GART: variants seen among roughly 807,000 people sequenced by gnomAD.
The protein encoded by GART is phosphoribosylglycinamide formyltransferase, phosphoribosylglycinamide synthetase, phosphoribosylaminoimidazole synthetase, also known as trifunctional purine biosynthetic protein adenosine-3.
GART carries 43 observed loss-of-function variants against 107.2 expected under a neutral mutation model. The observed-to-expected ratio is 0.40, with a 90% CI of 0.31 to 0.52. The LOEUF (loss-of-function observed/expected upper bound fraction) is 0.52. GART is among the 20% of genes least tolerant of loss of function. GART has a pLI of 0.52. For synonymous variants in GART, 434 were observed against 427.0 expected (o/e 1.02, Z -0.20); for missense variants, 1,107 against 1,206.5 (o/e 0.92, Z 1.22).
At chr21:33,522,046 G>T (rs1399662997) in intron 12 of GART, 142 bp downstream of exon 12, 5 of 576,140 alleles carry the variant, frequency 8.7e-6, no homozygotes, top group Non-Finnish European at 1.5e-5. Flanking sequence ...AAAGAAAGCA[G>T]AAGACTGGGT....
chr21:33,504,761 CAT>C (rs2084650673), intron 20 of GART, among the ~76,000 whole-genome samples: 1 of 152,148 alleles, frequency 6.6e-6, no homozygotes, highest in African/African-American at 2.4e-5. Flanking sequence ...TCTGAACAGA[CAT>C]TCATGGTGAC....
intron 11 of GART, 181 bp downstream of exon 11, chr21:33,524,588 T>A: frequency 2.5e-6 from 3 of 1,187,324 alleles, no homozygotes; most frequent in Non-Finnish European, 3.1e-6. Flanking sequence ...TATCATGAAG[T>A]TTTTTCCATT....
At chr21:33,529,433 T>C (rs980404675) in intron 7 of GART, 13 of 151,100 alleles carry the variant, frequency 8.6e-5, no homozygotes, top group Admixed American at 6.6e-4. Context: ...TTAAAAAAAA[T>C]GAAGTTTATG....
intron 11 of GART, chr21:33,524,188 C>T: frequency 2.0e-6 from 2 of 985,272 alleles, no homozygotes; most frequent in African/African-American, 3.5e-5. Flanking sequence ...GTATTCTCAT[C>T]TTCAGTTCTT....
intron 11 of GART, among the ~76,000 whole-genome samples, chr21:33,523,709 G>A (rs2085014400): frequency 6.6e-6 from 1 of 152,156 alleles, no homozygotes; most frequent in Admixed American, 6.6e-5. Context: ...GCTCACGCCT[G>A]TAATCCCAGT....
intron 18 of GART, 129 bp downstream of exon 18, chr21:33,509,654 A>T: frequency 1.1e-6 from 1 of 897,834 alleles, no homozygotes; most frequent in Non-Finnish European, 1.6e-6. Flanking sequence ...CTGAAAAGAC[A>T]AAGACAACCC....
Position 33,519,090 on chromosome 21 carries a change from G to A in GART, c.1702+1274C>T, listed in dbSNP as rs560946897. On this transcript the variant is annotated intron_variant, in intron 14 of 21. Transcript: ENST00000381815. ...CTTTCTGTTTCTTTTCCATCATTAC[G>A]CAATTGTGCCTGCAATTTGGTTGTT... The A allele has an allele frequency of 1.3e-4, 38 of 289,332 alleles. 1 individual carries two copies. The highest frequency in any genetic ancestry group is 1.3e-3 in the Middle Eastern group (1 of 772). The allele number at this position is 289,332 out of a possible 1,614,324, so 17.9% of individuals were successfully genotyped here. A position where few individuals can be genotyped will look rare whatever the true frequency, so the allele number is the denominator to read the frequency against.
chr21:33,524,722 G>A (rs758093585), intron 11 of GART, 47 bp downstream of exon 11: 36 of 1,612,354 alleles, frequency 2.2e-5, no homozygotes, highest in Non-Finnish European at 2.9e-5. Flanking sequence ...TAGCCATTTA[G>A]GCCAGTTTCT....
At position 33,506,097 on chromosome 21, in the gene GART, G is replaced by T. The variant is rs774237633; in HGVS notation, c.2460C>A (p.Asn820Lys). Reference sequence around the variant, plus strand: ...GAGTACTGTCTATAAGTGCTTGCAGGTTCGATCCTGAGAAGGGAGAAAAAC... The same window carrying T: ...GAGTACTGTCTATAAGTGCTTGCAGTTTCGATCCTGAGAAGGGAGAAAAAC... ...VAVLISGTGS[N>K]LQALIDSTRE... Residue 820 changes from asparagine to lysine, a missense_variant, in exon 19 of 22, where the codon AAC becomes AAA. Transcript: ENST00000381815. The T allele has an allele frequency of 6.2e-7, 1 of 1,613,002 alleles. No homozygotes were observed. The highest frequency in any genetic ancestry group is 8.5e-7 in the Non-Finnish European group (1 of 1,179,640).
chr21:33,505,468 G>C (rs2084662050), intron 20 of GART, 93 bp downstream of exon 20: 2 of 1,000,398 alleles, frequency 2.0e-6, no homozygotes, highest in Admixed American at 2.7e-5. Context: ...TTCTGGGATG[G>C]GTGTTCACTA....
In GART at chr21:33,511,475, C is replaced by A; in HGVS notation, c.2108-17G>T. 4 of 1,612,204 alleles carry A rather than the reference C, an allele frequency of 2.5e-6. No homozygotes were observed. The highest frequency in any genetic ancestry group is 3.4e-6 in the Non-Finnish European group (4 of 1,178,430). Reference sequence around the variant, plus strand: ...TCTGGGCATCTGAAAAAAATAGACACGAATTGTTTGATTTTCCTACCTTCT... The same window carrying A: ...TCTGGGCATCTGAAAAAAATAGACAAGAATTGTTTGATTTTCCTACCTTCT... On this transcript the variant is annotated splice_polypyrimidine_tract_variant and intron_variant, in intron 16 of 21. Transcript: ENST00000381815.
At chr21:33,528,383 C>T in intron 9 of GART, 48 bp from the exon 10 acceptor site, 1 of 1,600,106 alleles carries the variant, frequency 6.2e-7, no homozygotes, top group Non-Finnish European at 8.5e-7. Context: ...TTTAGTTTTC[C>T]TTAAACATTT....
In GART at chr21:33,541,142, TTTTA is replaced by T. The variant is rs58403623; in HGVS notation, c.-42+919_-42+922del. On this transcript the variant is annotated intron_variant, in intron 1 of 21. Coordinates refer to ENST00000381815, the MANE Select transcript of GART (RefSeq NM_000819.5). The stretch of plus-strand genomic sequence containing the variant: ...GTATCTGAAATAAACAGATTTTTTA[TTTTA>T]TTTATTTATTTATTTGTTTAGACAG... 2.8e-3 allele frequency among the ~76,000 whole-genome samples: 431 copies of T among 152,272 alleles called. 3 individuals carry two copies. The highest frequency in any genetic ancestry group is 9.7e-3 in the African/African-American group (404 of 41,556).
intron 21 of GART, 45 bp from the exon 22 acceptor site, chr21:33,504,360 G>A: frequency 6.2e-7 from 1 of 1,609,128 alleles, no homozygotes; most frequent in Non-Finnish European, 8.5e-7. Flanking sequence ...TCTAGCCAGT[G>A]TCATTTACAT....
chr21:33,531,128 T>C (rs2085179907), intron 6 of GART: 1 of 393,604 alleles, frequency 2.5e-6, no homozygotes, highest in Non-Finnish European at 4.4e-6. Flanking sequence ...ACTCTCAAAG[T>C]AAAAGATTTC....
rs908163823 is a variant in GART, at chr21:33,523,956, A to C, written c.1298+813T>G. The C allele has an allele frequency of 3.5e-5, 34 of 964,652 alleles. No individual in the cohort carries two copies. The African/African-American group carries it at 5.9e-4, about 17-fold the overall frequency. 59.8% of individuals were successfully genotyped at this position (964,652 alleles called of 1,614,324 possible). On this transcript the variant is annotated intron_variant, in intron 11 of 21. Coordinates refer to ENST00000381815, the MANE Select transcript of GART (RefSeq NM_000819.5). ...CACTCCAGCCTGGGCGACAAGAGCA[A>C]AATTCTGTCTCAAAAAAAAAAAAAA...
At chr21:33,538,459 C>T (rs1271873531) in intron 2 of GART, among the ~76,000 whole-genome samples, 1 of 151,900 alleles carries the variant, frequency 6.6e-6, no homozygotes, top group Non-Finnish European at 1.5e-5. Flanking sequence ...TCTCAAACTG[C>T]TGGGCTCAAG....
At chr21:33,514,773 A>T (rs139322446) in intron 16 of GART, among the ~76,000 whole-genome samples, 1 of 152,306 alleles carries the variant, frequency 6.6e-6, no homozygotes, top group Non-Finnish European at 1.5e-5. Flanking sequence ...TGCTCAGTCC[A>T]TGGACCTGGA....
chr21:33,528,420 G>C, intron 9 of GART, 85 bp from the exon 10 acceptor site: 1 of 1,552,060 alleles, frequency 6.4e-7, no homozygotes, highest in South Asian at 1.1e-5. Context: ...AGCAGAACTT[G>C]CATGAATTTC....
Sources: gnomAD v4.1 joint callset for allele counts (sites outside exome capture counted in the v4.1 genomes callset) on GRCh38, gnomAD v4.1.1 for gene constraint, MANE v1.5 for transcripts, NCBI Gene and HGNC (gene_info 2026-07-23, HGNC 2026-07-21) for gene names.